CC2D2A: variants seen among roughly 807,000 people sequenced by gnomAD.
The protein encoded by CC2D2A is coiled-coil and C2 domain-containing protein 2A.
Under a neutral mutation model 212.9 loss-of-function variants are expected in CC2D2A, and 155 were observed. The ratio of observed to expected loss-of-function variants is 0.73; its 90% CI spans 0.64 to 0.83. The LOEUF is 0.83. Among genes scored for constraint, CC2D2A ranks in the 40% least tolerant of loss-of-function variants. CC2D2A has a pLI of 0.00. For missense variants in CC2D2A, 1,856 were observed against 1,956.2 expected, an observed-to-expected ratio of 0.95 and a Z score of 0.97; for synonymous variants, 667 against 686.5, an observed-to-expected ratio of 0.97 and a Z score of 0.44.
At position 15,506,512 on chromosome 4, in the gene CC2D2A, T is replaced by C. The variant is rs1577332722; in HGVS notation, c.438+3589T>C. On this transcript the variant is annotated intron_variant, in intron 6 of 36. Coordinates refer to ENST00000424120, the MANE Select transcript of CC2D2A (RefSeq NM_001378615.1). ...CTGGTCTTGTGTTTCATTATCATCATCTTCACAGATCTCTAAAGCCCAAGG... is the reference window on the plus strand; with the variant it reads ...CTGGTCTTGTGTTTCATTATCATCACCTTCACAGATCTCTAAAGCCCAAGG... Among the ~76,000 whole-genome samples the C allele has an allele frequency of 2.6e-5, 4 of 152,336 alleles. No individual in the cohort carries two copies. The South Asian group carries it at 6.2e-4, about 24-fold the overall frequency.
intron 6 of CC2D2A, among the ~76,000 whole-genome samples, chr4:15,508,117 G>C (rs1213867269): frequency 3.9e-5 from 6 of 152,182 alleles, no homozygotes; most frequent in Non-Finnish European, 8.8e-5. Flanking sequence ...CCACCTGGGG[G>C]ACAGAAGCCA....
chr4:15,558,456 T>C (rs1719399576), intron 21 of CC2D2A, among the ~76,000 whole-genome samples: 1 of 152,148 alleles, frequency 6.6e-6, no homozygotes, highest in South Asian at 2.1e-4. Context: ...GTGCCTGGCC[T>C]GCTACCAGGA....
intron 4 of CC2D2A, chr4:15,482,353 A>C: frequency 1.1e-6 from 1 of 926,576 alleles, no homozygotes; most frequent in African/African-American, 1.8e-5. Flanking sequence ...CCATAACAAA[A>C]TACTATAGAC....
intron 11 of CC2D2A, among the ~76,000 whole-genome samples, chr4:15,523,086 C>T (rs749292545): frequency 6.6e-6 from 1 of 151,240 alleles, no homozygotes; most frequent in Admixed American, 6.6e-5. Context: ...TGCACTCTAA[C>T]CTGGGTGACA....
At chr4:15,500,107 G>GTATATATATA (rs55743422) in intron 4 of CC2D2A, among the ~76,000 whole-genome samples, 2 of 112,932 alleles carry the variant, frequency 1.8e-5, no homozygotes, top group South Asian at 6.2e-4. Flanking sequence ...GTGTGTGTGT[G>GTATATATATA]TATATATATA....
At chr4:15,486,231 A>C (rs1287079527) in intron 4 of CC2D2A, among the ~76,000 whole-genome samples, 13 of 152,068 alleles carry the variant, frequency 8.5e-5, no homozygotes, top group Admixed American at 8.5e-4. Context: ...GAGTAGGATT[A>C]ATAATAGTTC....
chr4:15,548,607 A>G (rs1248320882), intron 17 of CC2D2A, among the ~76,000 whole-genome samples: 1 of 152,164 alleles, frequency 6.6e-6, no homozygotes, highest in African/African-American at 2.4e-5. Context: ...CATTTCAAAC[A>G]AAATGAAAGA....
At chr4:15,480,940 G>A in intron 4 of CC2D2A, 113 bp downstream of exon 4, 1 of 1,310,540 alleles carries the variant, frequency 7.6e-7, no homozygotes, top group Non-Finnish European at 1.0e-6. Flanking sequence ...TGCCACTGCT[G>A]CTCCACCCAC....
intron 4 of CC2D2A, among the ~76,000 whole-genome samples, chr4:15,500,107 G>GTGTGTGTGTGTA (rs1479141284): frequency 4.4e-5 from 5 of 112,948 alleles, no homozygotes; most frequent in East Asian, 2.4e-4. Context: ...GTGTGTGTGT[G>GTGTGTGTGTGTA]TATATATATA....
chr4:15,492,020 A>G (rs913099038), intron 4 of CC2D2A, among the ~76,000 whole-genome samples: 1 of 152,190 alleles, frequency 6.6e-6, no homozygotes, highest in Non-Finnish European at 1.5e-5. Context: ...TTTAGCTCTT[A>G]CGTTTCTCTA....
chr4:15,518,767 A>T (rs760783062), intron 11 of CC2D2A, among the ~76,000 whole-genome samples: 3 of 152,240 alleles, frequency 2.0e-5, no homozygotes, highest in Non-Finnish European at 4.4e-5. Context: ...CTCTAAAGCC[A>T]TGGCCCGAGT....
At position 15,574,156 on chromosome 4, in the gene CC2D2A, G is replaced by A. The variant is rs1392733763; in HGVS notation, c.3601G>A (p.Gly1201Arg). The A allele has an allele frequency of 3.2e-6, 5 of 1,539,718 alleles. No homozygotes were observed. Among genetic ancestry groups the A allele is most frequent in the Non-Finnish European group, 4.4e-6 (5 of 1,141,344 alleles). ...STIYFQARID[G>R]TFKIDIPPVL... ...AGTCATATTTTCTTCACAGATTGAT[G>A]GAACATTTAAAATAGATATTCCCCC... Residue 1201 changes from glycine (G) to arginine (R), a missense_variant, in exon 29 of 37, where the codon GGA becomes AGA. Physicochemically the swap from Gly to Arg is moderately radical, Grantham distance 125. This residue lies in a region of CC2D2A where 1,512 missense variants were observed against 1,579.3 expected (regional missense o/e 0.96). Coordinates refer to ENST00000424120, the MANE Select transcript of CC2D2A (RefSeq NM_001378615.1).
chr4:15,523,044 G>A (rs1251374097), intron 11 of CC2D2A, among the ~76,000 whole-genome samples: 1 of 151,710 alleles, frequency 6.6e-6, no homozygotes, highest in African/African-American at 2.4e-5. Flanking sequence ...AACCTAGGAG[G>A]CGAAGGTTGC....
At chr4:15,484,755 G>A (rs1714903203) in intron 4 of CC2D2A, among the ~76,000 whole-genome samples, 1 of 152,204 alleles carries the variant, frequency 6.6e-6, no homozygotes, top group Non-Finnish European at 1.5e-5. Flanking sequence ...AAAGATGGCA[G>A]AAAGGGCAGG....
At chr4:15,491,498 G>A (rs1715301999) in intron 4 of CC2D2A, among the ~76,000 whole-genome samples, 1 of 152,164 alleles carries the variant, frequency 6.6e-6, no homozygotes, top group Non-Finnish European at 1.5e-5. Context: ...TCCACCTCCT[G>A]GGCTCATGTG....
intron 6 of CC2D2A, among the ~76,000 whole-genome samples, chr4:15,509,156 A>T (rs768852233): frequency 6.6e-6 from 1 of 152,110 alleles, no homozygotes; most frequent in Non-Finnish European, 1.5e-5. Context: ...CAGGCCATGT[A>T]CCCTGGAGGA....
At chr4:15,526,966 A>G (rs1220156365) in intron 11 of CC2D2A, among the ~76,000 whole-genome samples, 7 of 152,298 alleles carry the variant, frequency 4.6e-5, no homozygotes, top group African/African-American at 1.7e-4. Context: ...CATGATGCTC[A>G]GTTAGGTAGA....
At chr4:15,573,550 C>T (rs965433743) in intron 28 of CC2D2A, among the ~76,000 whole-genome samples, 1 of 152,246 alleles carries the variant, frequency 6.6e-6, no homozygotes, top group Admixed American at 6.5e-5. Context: ...CTCGGCCTCC[C>T]AAAGTGCTGG....
chr4:15,520,681 A>C (rs1284730759), intron 11 of CC2D2A, among the ~76,000 whole-genome samples: 1 of 152,242 alleles, frequency 6.6e-6, no homozygotes, highest in Non-Finnish European at 1.5e-5. Context: ...ACTTGAACCC[A>C]AGACCAGATG....
Sources: allele counts gnomAD v4.1 joint callset (sites outside exome capture counted in the v4.1 genomes callset), GRCh38; gene constraint gnomAD v4.1.1; regional missense constraint gnomAD v4.1.1; transcripts MANE v1.5; gene names NCBI Gene and HGNC (gene_info 2026-07-23, HGNC 2026-07-21).